The following ZNF480 variants were observed in gnomAD, a reference collection of about 807,000 sequenced individuals.
ZNF480 encodes zinc finger protein 480.
A neutral mutation model predicts 14.4 loss-of-function variants in ZNF480; 15 were observed. The ratio of observed to expected loss-of-function variants is 1.04; its 90% CI spans 0.70 to 1.60. The LOEUF is 1.60. Among genes scored for constraint, ZNF480 ranks in the 40% most tolerant of loss-of-function variants. The probability of loss-of-function intolerance (pLI) is 0.00; values close to 1 mark genes in which losing one functional copy is unlikely to be tolerated. For missense variants in ZNF480, 593 were observed against 629.7 expected (o/e 0.94, Z 0.62); for synonymous variants, 218 against 215.5 (o/e 1.01, Z -0.10).
chr19:52,315,231 G>A (rs1983492651), intron 3 of ZNF480, among the ~76,000 whole-genome samples: 1 of 152,038 alleles, frequency 6.6e-6, no homozygotes, highest in African/African-American at 2.4e-5. Context: ...TTACAGGCAT[G>A]AGCCCCCGCA....
At chr19:52,316,321 G>T (rs1983557274) in intron 4 of ZNF480, among the ~76,000 whole-genome samples, 1 of 151,812 alleles carries the variant, frequency 6.6e-6, no homozygotes, top group Non-Finnish European at 1.5e-5. Flanking sequence ...CTGCCTCCCG[G>T]GTTCAAGGGA....
In ZNF480 at chr19:52,321,593, T is replaced by C. The variant is rs199580707; in HGVS notation, c.343T>C (p.Leu115=). 1.3e-6 allele frequency: 2 copies of C among 1,594,098 alleles called. No individual in the cohort carries two copies. Among genetic ancestry groups the C allele is most frequent in the South Asian group, 1.1e-5 (1 of 88,208 alleles). Residue 115 remains leucine, a synonymous_variant, in exon 5 of 5, where the codon TTG becomes CTG. Transcript: ENST00000595962. ...TGCTTTCCTAGGGAGCAGCTATGCA[T>C]TGGGAAGCAATGCAGAAGACAAACC... is the stretch of plus-strand genomic sequence containing the variant. ...KGVNTGSSYA[L]GSNAEDKPIK...
At chr19:52,297,553 C>A (rs1600209889) in intron 1 of ZNF480, among the ~76,000 whole-genome samples, 1 of 152,272 alleles carries the variant, frequency 6.6e-6, no homozygotes, top group East Asian at 1.9e-4. Context: ...TCTATGCGGT[C>A]CCCCAAGCCT....
At chr19:52,311,179 G>T (rs1352767100) in intron 2 of ZNF480, among the ~76,000 whole-genome samples, 2 of 151,572 alleles carry the variant, frequency 1.3e-5, no homozygotes, top group Non-Finnish European at 1.5e-5. Flanking sequence ...AAATTTTATG[G>T]ACATAATTAT....
chr19:52,316,236 C>CTTTCTTTCTTT (rs1983552818), intron 4 of ZNF480, among the ~76,000 whole-genome samples: 1 of 147,616 alleles, frequency 6.8e-6, no homozygotes, highest in African/African-American at 2.5e-5. Flanking sequence ...TTCTTCCTTT[C>CTTTCTTTCTTT]CTTTATTTGA....
chr19:52,304,838 C>T (rs1364936239), intron 2 of ZNF480, among the ~76,000 whole-genome samples: 1 of 151,976 alleles, frequency 6.6e-6, no homozygotes, highest in Non-Finnish European at 1.5e-5. Context: ...GTGGCTCAAG[C>T]CTGTAATCCC....
intron 4 of ZNF480, among the ~76,000 whole-genome samples, chr19:52,316,905 A>G (rs1983584021): frequency 6.6e-6 from 1 of 152,176 alleles, no homozygotes; most frequent in African/African-American, 2.4e-5. Context: ...ACTGAATAAT[A>G]TTCTTCTATT....
intron 1 of ZNF480, among the ~76,000 whole-genome samples, 191 bp from the exon 2 acceptor site, chr19:52,300,203 G>T (rs901164616): frequency 2.0e-4 from 31 of 152,350 alleles, no homozygotes; most frequent in African/African-American, 6.0e-4. Flanking sequence ...AGGGGAGCAG[G>T]TTCTGAAGAC....
At chr19:52,297,669 G>T (rs139150872) in intron 1 of ZNF480, 3,128 of 162,464 alleles carry the variant, frequency 0.019, 50 homozygotes, top group East Asian at 0.048. Flanking sequence ...TCTTGATCCA[G>T]ACCCTACCTT....
chr19:52,317,254 G>A lies in ZNF480; in HGVS notation c.328+1292G>A, dbSNP rs189686340. Among the ~76,000 whole-genome samples, 779 of 152,158 alleles carry A rather than the reference G, an allele frequency of 5.1e-3. 4 individuals are homozygous for A. Among genetic ancestry groups the A allele is most frequent in the Non-Finnish European group, 7.9e-3 (534 of 67,992 alleles). ...GCTCGTCTTGAACTCCTGACCTCAT[G>A]ATCTACCTGCCTCAGCCTCCCAAAG... is the stretch of plus-strand genomic sequence containing the variant. On this transcript the variant is annotated intron_variant, in intron 4 of 4. Transcript: ENST00000595962.
rs780214061 is a variant in ZNF480 at position 52,323,000 on chromosome 19, C to T, written c.*142C>T. The T allele has an allele frequency of 3.2e-6, 2 of 634,290 alleles. No individual in the cohort carries two copies. Among genetic ancestry groups the T allele is most frequent in the Non-Finnish European group, 4.9e-6 (2 of 406,114 alleles). The allele number at this position is 634,290 out of a possible 1,614,324, so 39.3% of individuals were successfully genotyped here. A position where few individuals can be genotyped will look rare whatever the true frequency, so the allele number is the denominator to read the frequency against. On this transcript the variant is annotated 3_prime_UTR_variant, in exon 5 of 5. Coordinates refer to ENST00000595962, the MANE Select transcript of ZNF480 (RefSeq NM_144684.4). ...TCAAACACAAGTTTTTCTAATAACT[C>T]ATTAGAGAATTTATACTGGAGAGAC...
chr19:52,302,193 G>A (rs1479767890), intron 2 of ZNF480: 1 of 177,068 alleles, frequency 5.6e-6, no homozygotes. Flanking sequence ...CCAACTTTTT[G>A]TTATGGGATC....
In ZNF480 at chr19:52,325,121, C is replaced by T. The variant is rs1343164000; in HGVS notation, c.*2263C>T. 6.6e-6 allele frequency: 1 copy of T among 152,076 alleles called. No individual in the cohort carries two copies. Among genetic ancestry groups the T allele is most frequent in the East Asian group, 1.9e-4 (1 of 5,168 alleles). The allele number at this position is 152,076 out of a possible 1,614,324, so 9.4% of individuals were successfully genotyped here. On this transcript the variant is annotated 3_prime_UTR_variant, in exon 5 of 5. Transcript: ENST00000595962. ...GCAAAGGCCATGAATAGACCTTTCTCAAAAGAATACATACATGTGGCAATA... is the reference window on the plus strand; with the variant it reads ...GCAAAGGCCATGAATAGACCTTTCTTAAAAGAATACATACATGTGGCAATA...
Position 52,297,213 on chromosome 19 carries a change from C to T in ZNF480, c.-30C>T. On this transcript the variant is annotated 5_prime_UTR_variant, in exon 1 of 5. It adds an upstream start codon to the 5' untranslated region. Coordinates refer to ENST00000595962, the MANE Select transcript of ZNF480 (RefSeq NM_144684.4). Reference sequence around the variant, plus strand: ...AGCGGATCGCGTGGAGTGAAGGTCACGCCGCGGCGCGTGAGTTTCCCTTTG... The same window carrying T: ...AGCGGATCGCGTGGAGTGAAGGTCATGCCGCGGCGCGTGAGTTTCCCTTTG... The T allele has an allele frequency of 2.3e-6, 1 of 439,742 alleles. No homozygotes were observed. Among genetic ancestry groups the T allele is most frequent in the Non-Finnish European group, 4.6e-6 (1 of 219,776 alleles). 27.2% of individuals were successfully genotyped at this position (439,742 alleles called of 1,614,324 possible).
chr19:52,300,561 C>T, intron 2 of ZNF480, 77 bp downstream of exon 2: 1 of 1,596,804 alleles, frequency 6.3e-7, no homozygotes. Flanking sequence ...GGAGTCTTCT[C>T]TGAGTCTGAA....
intron 2 of ZNF480, among the ~76,000 whole-genome samples, chr19:52,313,133 T>C (rs1359647847): frequency 1.3e-5 from 1 of 74,856 alleles, no homozygotes; most frequent in Non-Finnish European, 2.4e-5. Context: ...TAATTCTTTC[T>C]CTTTTTTTTT....
At position 52,314,289 on chromosome 19, in the gene ZNF480, A is replaced by G; in HGVS notation, c.199+10A>G. The G allele has an allele frequency of 1.3e-6, 2 of 1,526,174 alleles. No individual in the cohort carries two copies. The highest frequency in any genetic ancestry group is 1.1e-5 in the South Asian group (1 of 88,140). The allele number at this position is 1,526,174 out of a possible 1,614,324, so 94.5% of individuals were successfully genotyped here. A position where few individuals can be genotyped will look rare whatever the true frequency, so the allele number is the denominator to read the frequency against. On this transcript the variant is annotated intron_variant, in intron 3 of 4. Transcript: ENST00000595962. ...AACCTGGTCTCCCTGGGTGAGGATCATGCCCCTGCAGAAGCCGGGATCTGC... is the reference window on the plus strand; with the variant it reads ...AACCTGGTCTCCCTGGGTGAGGATCGTGCCCCTGCAGAAGCCGGGATCTGC...
chr19:52,298,025 A>T (rs1600210244), intron 1 of ZNF480: 1 of 152,382 alleles, frequency 6.6e-6, no homozygotes, highest in African/African-American at 2.4e-5. Flanking sequence ...TAGCAGGGGG[A>T]AAAAAGCAAC....
chr19:52,310,345 A>G (rs1255445521), intron 2 of ZNF480, among the ~76,000 whole-genome samples: 2 of 152,162 alleles, frequency 1.3e-5, no homozygotes, highest in African/African-American at 2.4e-5. Context: ...GCATGATCCC[A>G]GCACTGCACC....
Sources: allele counts gnomAD v4.1 joint callset (sites outside exome capture counted in the v4.1 genomes callset), GRCh38; gene constraint gnomAD v4.1.1; transcripts MANE v1.5; gene names NCBI Gene and HGNC (gene_info 2026-07-23, HGNC 2026-07-21).